Variants in RGS12 observed in about 807,000 individuals in gnomAD.
RGS12 encodes regulator of G protein signaling 12.
Under a neutral mutation model 120.1 loss-of-function variants are expected in RGS12, and 66 were observed. The observed-to-expected ratio is 0.55, with a 90% CI of 0.45 to 0.67. The LOEUF (loss-of-function observed/expected upper bound fraction) is 0.67, where lower values mean the gene tolerates loss of function less well. Ranked by LOEUF, RGS12 falls within the 30% of genes least tolerant of loss-of-function variation. The pLI, the probability that RGS12 is intolerant of heterozygous loss-of-function variation, is 0.00. For synonymous variants in RGS12, 827 were observed against 804.7 expected (o/e 1.03, Z -0.47); for missense variants, 1,859 against 1,957.7 (o/e 0.95, Z 0.95).
chr4:3,430,391 G>T lies in RGS12; in HGVS notation c.3566-16G>T. 6.2e-7 allele frequency: 1 copy of T among 1,600,188 alleles called. No homozygotes were observed. Among genetic ancestry groups the T allele is most frequent in the South Asian group, 1.1e-5 (1 of 90,298 alleles). On this transcript the variant is annotated splice_polypyrimidine_tract_variant and intron_variant, in intron 16 of 17. Coordinates refer to ENST00000336727, the MANE Select transcript of RGS12 (RefSeq NM_001394154.1). ...AACTCTCTAAAACACGGTCACTCTG[G>T]GTTTTCTTCCAATAGAGTTTTTTGA...
chr4:3,365,316 G>A lies in RGS12; in HGVS notation c.1999-21100G>A, dbSNP rs529809867. Among the ~76,000 whole-genome samples the A allele has an allele frequency of 4.6e-5, 7 of 152,270 alleles. No homozygotes were observed. Among genetic ancestry groups the A allele is most frequent in the African/African-American group, 9.6e-5 (4 of 41,564 alleles). ...GAGTGCGTGGTGTCGCCTGCACAGC[G>A]GGCAGTGCCTACTCTTGGCCCTTTA... On this transcript the variant is annotated intron_variant, in intron 3 of 17. Transcript: ENST00000336727. This position sits in a 1 kb window ranked among gnomAD's most constrained non-coding sequence, Gnocchi z 4.0.
intron 4 of RGS12, among the ~76,000 whole-genome samples, chr4:3,410,832 G>C (rs1721658216): frequency 1.3e-5 from 2 of 152,314 alleles, no homozygotes; most frequent in South Asian, 2.1e-4. Flanking sequence ...GTACCCTTCT[G>C]TTTTCCTTTT....
chr4:3,302,374 G>T (rs1156429204), intron 1 of RGS12, among the ~76,000 whole-genome samples: 5 of 140,038 alleles, frequency 3.6e-5, no homozygotes, highest in Non-Finnish European at 1.5e-5. Context: ...GGCCGTTGTG[G>T]TCTGGGGTGG....
intron 3 of RGS12, among the ~76,000 whole-genome samples, chr4:3,362,856 T>A (rs1443478993): frequency 2.3e-5 from 3 of 128,200 alleles, no homozygotes; most frequent in African/African-American, 1.1e-4. Flanking sequence ...TGTGAGGGTG[T>A]GTGTGTGCGA....
chr4:3,355,998 G>T (rs971217349), intron 3 of RGS12, among the ~76,000 whole-genome samples: 2 of 150,504 alleles, frequency 1.3e-5, no homozygotes, highest in African/African-American at 4.9e-5. Flanking sequence ...GATTAAAGAA[G>T]ATGATTCTAA....
intron 3 of RGS12, among the ~76,000 whole-genome samples, chr4:3,353,024 C>G (rs754537912): frequency 2.6e-5 from 4 of 152,158 alleles, no homozygotes; most frequent in African/African-American, 9.6e-5. Flanking sequence ...CACTGAGTCT[C>G]TCTAGGTTCT....
At chr4:3,296,845 A>G (rs992998728) in intron 1 of RGS12, among the ~76,000 whole-genome samples, 1 of 152,314 alleles carries the variant, frequency 6.6e-6, no homozygotes, top group East Asian at 1.9e-4. Context: ...CTCAGGATGC[A>G]AGCCCCAGTC....
At chr4:3,342,772 G>A (rs1189854072) in intron 2 of RGS12, among the ~76,000 whole-genome samples, 165 bp from the exon 3 acceptor site, 5 of 151,826 alleles carry the variant, frequency 3.3e-5, no homozygotes, top group Admixed American at 2.0e-4. Flanking sequence ...TGTTTTTCTT[G>A]TATAAAATAT....
At chr4:3,371,064 A>T (rs1264796132) in intron 3 of RGS12, among the ~76,000 whole-genome samples, 3 of 152,350 alleles carry the variant, frequency 2.0e-5, no homozygotes, top group African/African-American at 7.2e-5. Context: ...AGGACAAACT[A>T]CTAGTTTAGA....
At chr4:3,435,685 T>C (rs16843161) in intron 17 of RGS12, among the ~76,000 whole-genome samples, 1,894 of 152,062 alleles carry the variant, frequency 0.012, 45 homozygotes, top group African/African-American at 0.043. Context: ...GCCCCCAGCC[T>C]GGTTGTGACA....
At position 3,317,737 on chromosome 4, in the gene RGS12, AAG is replaced by A; in HGVS notation, c.1570_1571del (p.Arg524GlyfsTer99). 1.2e-6 allele frequency: 2 copies of A among 1,613,476 alleles called. No homozygotes were observed. The highest frequency in any genetic ancestry group is 1.7e-6 in the Non-Finnish European group (2 of 1,179,978). ...ASLRSSVPPS[K>X]RGTVGAGCGF... is the part of the protein sequence containing the mutation. ...CTTGAGGAGCTCAGTCCCCCCTTCC[AAG>A]AGGGGCACCGTGGGTGCTGGCTGTG... On this transcript the variant is annotated frameshift_variant, in exon 2 of 18. Coordinates refer to ENST00000336727, the MANE Select transcript of RGS12 (RefSeq NM_001394154.1). LOFTEE classifies it high-confidence loss of function.
At chr4:3,353,749 T>C (rs1225492018) in intron 3 of RGS12, among the ~76,000 whole-genome samples, 2 of 152,176 alleles carry the variant, frequency 1.3e-5, no homozygotes, top group Admixed American at 6.5e-5. Context: ...TGGGTGGATC[T>C]GTGGATCTGT....
At chr4:3,370,329 G>T in intron 3 of RGS12, 2 of 1,613,702 alleles carry the variant, frequency 1.2e-6, no homozygotes, top group East Asian at 4.5e-5. Context: ...CAGGTAAGTA[G>T]TTCCGGCTTT....
intron 2 of RGS12, among the ~76,000 whole-genome samples, chr4:3,318,776 G>A (rs1430786022): frequency 1.3e-5 from 2 of 152,078 alleles, no homozygotes; most frequent in South Asian, 2.1e-4. Flanking sequence ...GGGAGTGTGC[G>A]GGGCTGTGCC....
intron 3 of RGS12, among the ~76,000 whole-genome samples, chr4:3,349,894 A>T (rs1284968823): frequency 6.6e-6 from 1 of 152,226 alleles, no homozygotes; most frequent in Non-Finnish European, 1.5e-5. Context: ...TAGACATTTT[A>T]TGAGTATCAT....
At chr4:3,408,549 C>T (rs61204362) in intron 4 of RGS12, among the ~76,000 whole-genome samples, 9,381 of 152,236 alleles carry the variant, frequency 0.062, 438 homozygotes, top group African/African-American at 0.12. Flanking sequence ...GGACGTTTTC[C>T]GGTAGCCAGT....
At chr4:3,353,080 G>A (rs1347114795) in intron 3 of RGS12, among the ~76,000 whole-genome samples, 4 of 152,324 alleles carry the variant, frequency 2.6e-5, no homozygotes, top group South Asian at 2.1e-4. Flanking sequence ...GGCCTCCGGC[G>A]TACTTTCCGC....
chr4:3,426,441 C>T, intron 14 of RGS12, among the ~76,000 whole-genome samples: 1 of 151,980 alleles, frequency 6.6e-6, no homozygotes, highest in East Asian at 1.9e-4. Context: ...TGGCGCCCTT[C>T]CCTCCAGGCA....
At chr4:3,337,134 C>G (rs1278507895) in intron 2 of RGS12, among the ~76,000 whole-genome samples, 4 of 152,194 alleles carry the variant, frequency 2.6e-5, no homozygotes, top group Non-Finnish European at 5.9e-5. Context: ...CCAGCGCCAA[C>G]TAAACACACA....
Sources: allele counts gnomAD v4.1 joint callset (sites outside exome capture counted in the v4.1 genomes callset), GRCh38; gene constraint gnomAD v4.1.1; non-coding constraint Gnocchi (gnomAD v3.1); transcripts MANE v1.5; gene names NCBI Gene and HGNC (gene_info 2026-07-23, HGNC 2026-07-21).